Variants in PRKN observed in about 807,000 individuals in gnomAD.
The protein encoded by PRKN is parkin RBR E3 ubiquitin protein ligase, also known as E3 ubiquitin-protein ligase parkin.
Under a neutral mutation model 59.5 loss-of-function variants are expected in PRKN, and 56 were observed. The ratio of observed to expected loss-of-function variants is 0.94; its 90% CI spans 0.76 to 1.18. The LOEUF (loss-of-function observed/expected upper bound fraction) is 1.18. Ranked by LOEUF, PRKN falls within the 50% of genes most tolerant of loss-of-function variation. The pLI, the probability that PRKN is intolerant of heterozygous loss-of-function variation, is 0.00. For missense variants in PRKN, 657 were observed against 596.4 expected (o/e 1.10, Z -1.06); for synonymous variants, 250 against 222.1 (o/e 1.13, Z -1.12).
intron 5 of PRKN, among the ~76,000 whole-genome samples, chr6:162,053,784 A>C (rs1296892826): frequency 6.6e-6 from 1 of 152,160 alleles, no homozygotes; most frequent in African/African-American, 2.4e-5. Context: ...GAGGCTCTGC[A>C]CTGGCTCTCC....
Position 161,838,668 on chromosome 6 carries a change from G to A in PRKN, c.735-52760C>T, listed in dbSNP as rs11966665. On this transcript the variant is annotated intron_variant, in intron 6 of 11. Coordinates refer to ENST00000366898, the MANE Select transcript of PRKN (RefSeq NM_004562.3). ...CTCTCTCACCTCCCACACTAGCAGC[G>A]CCATTGCAGGAACTGTCCCCGTCCC... Among the ~76,000 whole-genome samples, 598 of 148,388 alleles carry A rather than the reference G, an allele frequency of 4.0e-3. 3 individuals are homozygous for A. The highest frequency in any genetic ancestry group is 0.028 in the Middle Eastern group (8 of 290).
At chr6:162,096,374 G>A (rs1005230653) in intron 4 of PRKN, among the ~76,000 whole-genome samples, 5 of 152,138 alleles carry the variant, frequency 3.3e-5, no homozygotes, top group African/African-American at 1.2e-4. Context: ...TGTTCCATTA[G>A]CCCTTTAATC....
At chr6:161,693,106 TA>T (rs751499159) in intron 7 of PRKN, among the ~76,000 whole-genome samples, 1 of 152,124 alleles carries the variant, frequency 6.6e-6, no homozygotes, top group Non-Finnish European at 1.5e-5. Context: ...TCTTTAGAAT[TA>T]AAAAAACACA....
chr6:162,551,492 C>T (rs1246858778), intron 1 of PRKN, among the ~76,000 whole-genome samples: 2 of 152,154 alleles, frequency 1.3e-5, no homozygotes, highest in Non-Finnish European at 2.9e-5. Flanking sequence ...AAAATAAAGT[C>T]TTGTTGCAGA....
In PRKN at chr6:161,459,761, C is replaced by A. The variant is rs1790122002; in HGVS notation, c.1084-72884G>T. Among the ~76,000 whole-genome samples the A allele has an allele frequency of 6.6e-6, 1 of 152,178 alleles. No homozygotes were observed. The highest frequency in any genetic ancestry group is 6.5e-5 in the Admixed American group (1 of 15,278). On this transcript the variant is annotated intron_variant, in intron 9 of 11. Transcript: ENST00000366898. This position sits in a 1 kb window ranked among gnomAD's most constrained non-coding sequence, Gnocchi z 4.8. ...ACCATAACATTTGCTATAATTATAA[C>A]AGTTCAGTTATTTGGTTTTCTCTTT...
intron 1 of PRKN, among the ~76,000 whole-genome samples, chr6:162,466,285 T>A (rs1257892108): frequency 6.6e-6 from 1 of 152,214 alleles, no homozygotes; most frequent in Middle Eastern, 3.2e-3. Context: ...GTACTTGGCC[T>A]TGTCTTCAGG....
chr6:161,481,827 C>T (rs1583132162), intron 9 of PRKN, among the ~76,000 whole-genome samples: 1 of 152,066 alleles, frequency 6.6e-6, no homozygotes, highest in East Asian at 1.9e-4. Context: ...CACAATTCCT[C>T]TGTCATTTTC....
intron 1 of PRKN, among the ~76,000 whole-genome samples, chr6:162,548,563 C>A (rs182583858): frequency 4.5e-4 from 69 of 152,236 alleles, no homozygotes; most frequent in African/African-American, 1.5e-3. Flanking sequence ...TGCTTCATTT[C>A]GTTTGTAAAT....
chr6:162,172,628 TAC>T (rs1309904173), intron 4 of PRKN, among the ~76,000 whole-genome samples: 1 of 152,204 alleles, frequency 6.6e-6, no homozygotes, highest in Non-Finnish European at 1.5e-5. Context: ...AATGAGTTAA[TAC>T]AGAGACCAAT....
chr6:162,216,252 C>T (rs192900412), intron 3 of PRKN, among the ~76,000 whole-genome samples: 8 of 151,710 alleles, frequency 5.3e-5, no homozygotes, highest in East Asian at 2.0e-4. Flanking sequence ...AGTTTGCGGC[C>T]GGGCGCGGTG....
intron 6 of PRKN, among the ~76,000 whole-genome samples, chr6:161,801,617 C>G (rs1282550083): frequency 6.6e-6 from 1 of 152,182 alleles, no homozygotes; most frequent in Non-Finnish European, 1.5e-5. Context: ...GACTTTCAGC[C>G]ACTTTTACCT....
intron 6 of PRKN, among the ~76,000 whole-genome samples, chr6:161,965,762 A>C: frequency 6.6e-6 from 1 of 152,014 alleles, no homozygotes; most frequent in African/African-American, 2.4e-5. Flanking sequence ...GGTAAATTTA[A>C]ACACTTCCCT....
At chr6:162,402,920 G>A (rs575324967) in intron 2 of PRKN, among the ~76,000 whole-genome samples, 33 of 152,112 alleles carry the variant, frequency 2.2e-4, no homozygotes, top group African/African-American at 7.2e-4. Flanking sequence ...TGGGGTTACA[G>A]GCATGAGCCA....
chr6:162,291,592 A>G (rs369969035), intron 2 of PRKN, among the ~76,000 whole-genome samples: 1 of 152,168 alleles, frequency 6.6e-6, no homozygotes, highest in African/African-American at 2.4e-5. Context: ...CTCCTGCTCG[A>G]AAGTCAGGTG....
At position 161,413,190 on chromosome 6, in the gene PRKN, C is replaced by A. The variant is rs771798532; in HGVS notation, c.1084-26313G>T. On this transcript the variant is annotated intron_variant, in intron 9 of 11. Transcript: ENST00000366898. The surrounding 1 kb of genome is among the most constrained non-coding windows in gnomAD (Gnocchi z 4.4). ...GAATGTGCATTTAGGGTCGTGGGAC[C>A]CCTTCCCATTTATTTGTGGAAACCC... 7.2e-5 allele frequency among the ~76,000 whole-genome samples: 11 copies of A among 152,128 alleles called. No homozygotes were observed. Among genetic ancestry groups the A allele is most frequent in the Non-Finnish European group, 1.2e-4 (8 of 68,030 alleles).
intron 9 of PRKN, among the ~76,000 whole-genome samples, chr6:161,521,931 A>G (rs1778841038): frequency 6.6e-6 from 1 of 152,140 alleles, no homozygotes; most frequent in Non-Finnish European, 1.5e-5. Context: ...ATTCTGGTTG[A>G]TTATCAGACA....
chr6:162,594,153 C>T (rs544958305), intron 1 of PRKN, among the ~76,000 whole-genome samples: 4 of 150,720 alleles, frequency 2.7e-5, no homozygotes, highest in African/African-American at 9.8e-5. Flanking sequence ...CTCTCAAAAA[C>T]AAACAAAAAA....
rs190612221 is a variant in PRKN, at chr6:162,362,252, G to T, written c.171+81058C>A. On this transcript the variant is annotated intron_variant, in intron 2 of 11. Transcript: ENST00000366898. ...TTTATGAAAAATCAAATCATCTCAAGAATGTTTTCGTTATTTTTCTCTACC... is the reference window on the plus strand; with the variant it reads ...TTTATGAAAAATCAAATCATCTCAATAATGTTTTCGTTATTTTTCTCTACC... Among the ~76,000 whole-genome samples the T allele has an allele frequency of 2.2e-4, 34 of 152,168 alleles. 1 individual carries two copies. Among genetic ancestry groups the T allele is most frequent in the African/African-American group, 7.0e-4 (29 of 41,524 alleles).
intron 6 of PRKN, among the ~76,000 whole-genome samples, chr6:161,870,453 T>C (rs953522125): frequency 4.6e-5 from 7 of 152,142 alleles, no homozygotes; most frequent in African/African-American, 1.4e-4. Flanking sequence ...TCTCCCACAT[T>C]CTCAAATCAA....
Sources: gnomAD v4.1 joint callset for allele counts (sites outside exome capture counted in the v4.1 genomes callset) on GRCh38, gnomAD v4.1.1 for gene constraint, Gnocchi (gnomAD v3.1) non-coding constraint, MANE v1.5 for transcripts, NCBI Gene and HGNC (gene_info 2026-07-23, HGNC 2026-07-21) for gene names.